CGNL1: variants seen among roughly 807,000 people sequenced by gnomAD.
CGNL1 encodes the protein cingulin-like protein 1.
Under a neutral mutation model 141.2 loss-of-function variants are expected in CGNL1, and 132 were observed. That is an observed-to-expected ratio of 0.93 (90% CI 0.81 to 1.08). The LOEUF (loss-of-function observed/expected upper bound fraction) is 1.08. CGNL1 is among the 50% of genes least tolerant of loss of function. The pLI, the probability that CGNL1 is intolerant of heterozygous loss-of-function variation, is 0.00. For synonymous variants in CGNL1, 690 were observed against 622.1 expected, an observed-to-expected ratio of 1.11 and a Z score of -1.63; for missense variants, 1,870 against 1,588.6, an observed-to-expected ratio of 1.18 and a Z score of -3.01.
intron 8 of CGNL1, among the ~76,000 whole-genome samples, chr15:57,474,063 A>G (rs2063619764): frequency 6.6e-6 from 1 of 151,794 alleles, no homozygotes; most frequent in South Asian, 2.1e-4. Flanking sequence ...GGTGTGTGCC[A>G]CCACGCCTGG....
At chr15:57,427,179 G>A (rs1470231353) in intron 1 of CGNL1, among the ~76,000 whole-genome samples, 1 of 152,168 alleles carries the variant, frequency 6.6e-6, no homozygotes, top group Non-Finnish European at 1.5e-5. Flanking sequence ...AACTTTGCAG[G>A]TAACAGCTGT....
At chr15:57,444,901 T>C (rs577995154) in intron 4 of CGNL1, among the ~76,000 whole-genome samples, 2 of 152,250 alleles carry the variant, frequency 1.3e-5, no homozygotes, top group South Asian at 4.2e-4. Context: ...ACCATTGTGT[T>C]TGTGAAAGTT....
rs183663572 is a variant in CGNL1, at chr15:57,460,320, C to G, written c.2191-1360C>G. The stretch of plus-strand genomic sequence containing the variant: ...TAGAGCAGGGACAAAAATCATATAG[C>G]AAGAGATTAAGGAGTGAATGGGCAG... On this transcript the variant is annotated intron_variant, in intron 7 of 18. Transcript: ENST00000281282. Among the ~76,000 whole-genome samples, 22 of 152,150 alleles carry G rather than the reference C, an allele frequency of 1.4e-4. No individual in the cohort carries two copies. In the East Asian group the frequency reaches 4.2e-3, roughly 29 times the overall value.
rs756177806 is a variant in CGNL1, at chr15:57,439,257, C to T, written c.1258C>T (p.Arg420Trp). Residue 420 changes from arginine to tryptophan, a missense_variant, in exon 2 of 19, where the codon CGG becomes TGG. Physicochemically the swap from Arg to Trp is moderately radical, Grantham distance 101. Transcript: ENST00000281282. ...GGGCAAGTCAAGCGAACACCTCCTC[C>T]GGCCTTCCCAGGTGTGCCCGCAGCG... is the stretch of plus-strand genomic sequence containing the variant. ...NLGKSSEHLL[R>W]PSQVCPQRPL... 8 of 1,613,972 alleles carry T rather than the reference C, an allele frequency of 5.0e-6. No homozygotes were observed. The African/African-American group carries it at 5.3e-5, about 11-fold the overall frequency.
intron 8 of CGNL1, among the ~76,000 whole-genome samples, chr15:57,498,200 GT>G (rs1157860001): frequency 7.0e-6 from 1 of 142,206 alleles, no homozygotes; most frequent in Admixed American, 7.1e-5. Flanking sequence ...GTTGTGCTTT[GT>G]TTTTTCACAT....
At chr15:57,394,633 T>C (rs139473505) in intron 1 of CGNL1, among the ~76,000 whole-genome samples, 81 of 152,346 alleles carry the variant, frequency 5.3e-4, no homozygotes, top group African/African-American at 1.9e-3. Context: ...AATTGGAGAC[T>C]ATTGTATCAG....
chr15:57,437,384 A>G (rs1486505776), intron 1 of CGNL1, among the ~76,000 whole-genome samples: 1 of 152,168 alleles, frequency 6.6e-6, no homozygotes, highest in Non-Finnish European at 1.5e-5. Flanking sequence ...TGTTGGAAAC[A>G]TTATATTCAA....
chr15:57,534,758 T>C (rs2032158273), intron 14 of CGNL1, among the ~76,000 whole-genome samples: 1 of 152,248 alleles, frequency 6.6e-6, no homozygotes, highest in African/African-American at 2.4e-5. Context: ...GGGTGCTTGT[T>C]ATCTTGAACC....
chr15:57,456,756 C>T (rs1465763922), intron 7 of CGNL1, among the ~76,000 whole-genome samples: 1 of 152,020 alleles, frequency 6.6e-6, no homozygotes, highest in African/African-American at 2.4e-5. Context: ...CTAAGTGCCA[C>T]GATGGTGGGG....
At chr15:57,501,825 A>G (rs945067131) in intron 8 of CGNL1, among the ~76,000 whole-genome samples, 17 of 152,156 alleles carry the variant, frequency 1.1e-4, no homozygotes, top group African/African-American at 4.1e-4. Flanking sequence ...GGACCCCAGC[A>G]GCAGTGCCCT....
At chr15:57,451,637 T>G in intron 5 of CGNL1, 36 bp downstream of exon 5, 2 of 1,462,520 alleles carry the variant, frequency 1.4e-6, no homozygotes, top group South Asian at 2.4e-5. Flanking sequence ...TTTTTCCATT[T>G]CTGTCTTGGT....
At chr15:57,377,886 C>T (rs1358117014) in intron 1 of CGNL1, among the ~76,000 whole-genome samples, 2 of 152,220 alleles carry the variant, frequency 1.3e-5, no homozygotes, top group Non-Finnish European at 2.9e-5. Flanking sequence ...TGGAGACCCT[C>T]CGGAGACTCC....
chr15:57,508,642 G>A lies in CGNL1; in HGVS notation c.2404-8138G>A, dbSNP rs917693070. Among the ~76,000 whole-genome samples the A allele has an allele frequency of 2.6e-5, 4 of 152,354 alleles. No homozygotes were observed. The East Asian group carries it at 5.8e-4, about 22-fold the overall frequency. Reference sequence around the variant, plus strand: ...CAAGCGGCCTAACGCCAAATCCCAGGCACTGAGAATCCTACCAAGAAGCAT... The same window carrying A: ...CAAGCGGCCTAACGCCAAATCCCAGACACTGAGAATCCTACCAAGAAGCAT... On this transcript the variant is annotated intron_variant, in intron 8 of 18. Transcript: ENST00000281282.
At chr15:57,402,417 T>C (rs1361548956) in intron 1 of CGNL1, among the ~76,000 whole-genome samples, 3 of 152,194 alleles carry the variant, frequency 2.0e-5, no homozygotes, top group African/African-American at 7.2e-5. Flanking sequence ...CTCTTTTCTT[T>C]ATAAATTACA....
rs78398672 is a variant in CGNL1 at position 57,379,442 on chromosome 15, T to C, written c.-16+2875T>C. 2.4e-3 allele frequency among the ~76,000 whole-genome samples: 368 copies of C among 152,330 alleles called. 1 individual carries two copies. The highest frequency in any genetic ancestry group is 8.3e-3 in the African/African-American group (344 of 41,580). The stretch of plus-strand genomic sequence containing the variant: ...ACTAGAAAAGGCCTTGGGTTTGTGT[T>C]AAGAATTTATTGCCCTGGTGGCTTC... On this transcript the variant is annotated intron_variant, in intron 1 of 18. Coordinates refer to ENST00000281282, the MANE Select transcript of CGNL1 (RefSeq NM_032866.5).
chr15:57,465,838 C>T (rs2063505044), intron 8 of CGNL1, among the ~76,000 whole-genome samples: 3 of 152,124 alleles, frequency 2.0e-5, no homozygotes, highest in African/African-American at 7.2e-5. Context: ...CTAGCTTGAG[C>T]ACTAAAGGTT....
At chr15:57,385,131 G>A (rs1286896514) in intron 1 of CGNL1, among the ~76,000 whole-genome samples, 1 of 152,138 alleles carries the variant, frequency 6.6e-6, no homozygotes, top group Non-Finnish European at 1.5e-5. Context: ...TTGTCATCAG[G>A]GTCTGCAGAA....
intron 14 of CGNL1, among the ~76,000 whole-genome samples, chr15:57,540,468 C>T (rs1007736004): frequency 9.9e-5 from 15 of 152,210 alleles, no homozygotes; most frequent in African/African-American, 2.7e-4. Context: ...GACCCGCCCC[C>T]GTGATTCAGT....
At chr15:57,520,051 T>C (rs1257915872) in intron 10 of CGNL1, among the ~76,000 whole-genome samples, 2 of 152,212 alleles carry the variant, frequency 1.3e-5, no homozygotes, top group South Asian at 2.1e-4. Context: ...ATCCCTGACA[T>C]GTTACTTTTG....
Sources: allele counts gnomAD v4.1 joint callset (sites outside exome capture counted in the v4.1 genomes callset), GRCh38; gene constraint gnomAD v4.1.1; transcripts MANE v1.5; gene names NCBI Gene and HGNC (gene_info 2026-07-23, HGNC 2026-07-21).